Variants in PDGFD observed in about 807,000 individuals in gnomAD.
The protein encoded by PDGFD is platelet derived growth factor D.
Under a neutral mutation model 44.7 loss-of-function variants are expected in PDGFD, and 30 were observed. That is an observed-to-expected ratio of 0.67 (90% confidence interval 0.50 to 0.91). PDGFD has a LOEUF of 0.91. PDGFD is among the 40% of genes least tolerant of loss of function. The pLI is 0.00. For missense variants in PDGFD, 445 were observed against 457.8 expected (o/e 0.97, Z 0.25); for synonymous variants, 173 against 168.4 (o/e 1.03, Z -0.21).
At chr11:103,973,996 C>T (rs1286611976) in intron 3 of PDGFD, among the ~76,000 whole-genome samples, 3 of 151,984 alleles carry the variant, frequency 2.0e-5, no homozygotes, top group African/African-American at 4.8e-5. Flanking sequence ...TCTTAGGCTG[C>T]TGTGGGGAAG....
intron 1 of PDGFD, among the ~76,000 whole-genome samples, chr11:104,148,924 G>GT (rs1280797149): frequency 1.3e-5 from 2 of 152,024 alleles, no homozygotes; most frequent in Admixed American, 6.6e-5. Context: ...ACATGATCTT[G>GT]TTTTTTTATG....
chr11:104,002,090 C>T (rs904137440), intron 1 of PDGFD, among the ~76,000 whole-genome samples: 1 of 152,204 alleles, frequency 6.6e-6, no homozygotes, highest in Admixed American at 6.5e-5. Flanking sequence ...CATGGCAGCA[C>T]TTCCAACAAG....
In PDGFD at chr11:103,925,985, T is replaced by G. The variant is rs190950208; in HGVS notation, c.987+927A>C. 3.6e-3 allele frequency among the ~76,000 whole-genome samples: 552 copies of G among 152,126 alleles called. 6 individuals carry two copies. Among genetic ancestry groups the G allele is most frequent in the African/African-American group, 0.012 (496 of 41,512 alleles). On this transcript the variant is annotated intron_variant, in intron 6 of 6. Coordinates refer to ENST00000393158, the MANE Select transcript of PDGFD (RefSeq NM_025208.5). The stretch of plus-strand genomic sequence containing the variant: ...CTCAGGTGATCCACCCACCTCGGCC[T>G]CCCAAAGTGCTAGGATTACAGGCGT...
intron 1 of PDGFD, among the ~76,000 whole-genome samples, chr11:104,020,311 G>A (rs1462942893): frequency 6.6e-6 from 1 of 151,882 alleles, no homozygotes; most frequent in Non-Finnish European, 1.5e-5. Context: ...CTGTGACTGT[G>A]GACGTAATAC....
At chr11:104,140,987 T>G (rs927600219) in intron 1 of PDGFD, among the ~76,000 whole-genome samples, 5 of 152,350 alleles carry the variant, frequency 3.3e-5, no homozygotes, top group Admixed American at 3.3e-4. Context: ...CATTTAATGT[T>G]GCTGCCCAGC....
Position 103,943,447 on chromosome 11 carries a change from C to T in PDGFD, c.772+5G>A, listed in dbSNP as rs1447612561. ...ATGAAGAATGTACAAGTGTCTGTCT[C>T]TTACCTTTTGACTTCCGGTCATGGT... On this transcript the variant is annotated splice_donor_5th_base_variant and intron_variant, in intron 5 of 6. Coordinates refer to ENST00000393158, the MANE Select transcript of PDGFD (RefSeq NM_025208.5). The T allele has an allele frequency of 1.9e-6, 3 of 1,609,854 alleles. No individual in the cohort carries two copies. The highest frequency in any genetic ancestry group is 2.5e-6 in the Non-Finnish European group (3 of 1,177,830).
chr11:104,039,843 A>G (rs2134398197), intron 1 of PDGFD, among the ~76,000 whole-genome samples: 1 of 152,218 alleles, frequency 6.6e-6, no homozygotes. Flanking sequence ...TATGAAAAAA[A>G]GGTCTTATTT....
intron 5 of PDGFD, among the ~76,000 whole-genome samples, chr11:103,940,363 T>C (rs917748261): frequency 6.6e-6 from 1 of 152,114 alleles, no homozygotes; most frequent in African/African-American, 2.4e-5. Context: ...AAAATACCAC[T>C]TTCCATCTGT....
intron 3 of PDGFD, among the ~76,000 whole-genome samples, chr11:103,963,373 GA>G (rs1163798296): frequency 5.3e-5 from 8 of 152,146 alleles, no homozygotes; most frequent in African/African-American, 1.9e-4. Flanking sequence ...TCTTCTCAAA[GA>G]GGAGATTTTT....
At chr11:103,923,751 G>C (rs867914302) in intron 6 of PDGFD, among the ~76,000 whole-genome samples, 2 of 152,270 alleles carry the variant, frequency 1.3e-5, no homozygotes, top group Middle Eastern at 6.8e-3. Context: ...GGAGTCTCAG[G>C]GGCATATGAC....
chr11:104,034,399 G>A lies in PDGFD; in HGVS notation c.125-34144C>T, dbSNP rs1384688482. Among the ~76,000 whole-genome samples, 4 of 152,040 alleles carry A rather than the reference G, an allele frequency of 2.6e-5. No homozygotes were observed. In the East Asian group the frequency reaches 7.7e-4, roughly 29 times the overall value. ...TAGAAACATTATGATAATTAGAGCA[G>A]TGAGCGAGACATAGTCTTCCATCTG... is the stretch of plus-strand genomic sequence containing the variant. On this transcript the variant is annotated intron_variant, in intron 1 of 6. Transcript: ENST00000393158.
Position 104,118,646 on chromosome 11 carries a change from T to C in PDGFD, c.124+45158A>G, listed in dbSNP as rs1448455126. On this transcript the variant is annotated intron_variant, in intron 1 of 6. Coordinates refer to ENST00000393158, the MANE Select transcript of PDGFD (RefSeq NM_025208.5). ...CAAGTGTCTAATCATTGATATCCCA[T>C]TGCTAACTTGCTATGGTATAGTATT... 4.7e-5 allele frequency among the ~76,000 whole-genome samples: 7 copies of C among 147,584 alleles called. 1 individual carries two copies. Among genetic ancestry groups the C allele is most frequent in the Admixed American group, 1.4e-4 (2 of 14,208 alleles).
At chr11:104,106,420 T>C (rs769888861) in intron 1 of PDGFD, among the ~76,000 whole-genome samples, 87 of 150,700 alleles carry the variant, frequency 5.8e-4, no homozygotes, top group Non-Finnish European at 3.7e-4. Flanking sequence ...TAACTTCCAG[T>C]GATAGCAAAA....
intron 3 of PDGFD, 60 bp downstream of exon 3, chr11:103,996,005 G>A: frequency 1.4e-6 from 2 of 1,433,670 alleles, no homozygotes; most frequent in East Asian, 2.3e-5. Flanking sequence ...ATAGAAAATT[G>A]ATCTCTACAC....
chr11:104,146,515 T>C (rs1862164677), intron 1 of PDGFD, among the ~76,000 whole-genome samples: 1 of 152,216 alleles, frequency 6.6e-6, no homozygotes, highest in Admixed American at 6.5e-5. Context: ...AAGATAGGGA[T>C]CTCAATTCCA....
chr11:104,067,516 C>T (rs1860806960), intron 1 of PDGFD, among the ~76,000 whole-genome samples: 1 of 152,142 alleles, frequency 6.6e-6, no homozygotes, highest in African/African-American at 2.4e-5. Flanking sequence ...ATTTCTCACA[C>T]ATATGTACCT....
chr11:103,997,185 A>T (rs1229490627), intron 2 of PDGFD, among the ~76,000 whole-genome samples: 1 of 152,182 alleles, frequency 6.6e-6, no homozygotes, highest in Non-Finnish European at 1.5e-5. Context: ...TCTCGCTCCT[A>T]CAATCTACTT....
intron 3 of PDGFD, among the ~76,000 whole-genome samples, chr11:103,957,810 G>T (rs933389796): frequency 2.0e-5 from 3 of 152,090 alleles, no homozygotes; most frequent in Non-Finnish European, 2.9e-5. Flanking sequence ...GATAGAGAGA[G>T]GGGTGCCGCA....
At chr11:104,083,576 C>G (rs1419341309) in intron 1 of PDGFD, among the ~76,000 whole-genome samples, 1 of 152,102 alleles carries the variant, frequency 6.6e-6, no homozygotes, top group Non-Finnish European at 1.5e-5. Context: ...TCTCTATTCT[C>G]TAAACTTTTA....
Sources: gnomAD v4.1 joint callset for allele counts (sites outside exome capture counted in the v4.1 genomes callset) on GRCh38, gnomAD v4.1.1 for gene constraint, MANE v1.5 for transcripts, NCBI Gene and HGNC (gene_info 2026-07-23, HGNC 2026-07-21) for gene names.